WWP2: variants seen among roughly 807,000 people sequenced by gnomAD.
WWP2 encodes NEDD4-like E3 ubiquitin-protein ligase WWP2.
In WWP2, 57 loss-of-function variants were observed where a neutral mutation model predicts 121.0. The observed-to-expected ratio is 0.47, with a 90% CI of 0.38 to 0.59. The LOEUF (loss-of-function observed/expected upper bound fraction) is 0.59. WWP2 is among the 20% of genes least tolerant of loss of function. WWP2 has a pLI of 0.00. For missense variants in WWP2, 962 were observed against 1,158.9 expected (o/e 0.83, Z 2.47); for synonymous variants, 449 against 441.3 (o/e 1.02, Z -0.22).
intron 1 of WWP2, among the ~76,000 whole-genome samples, chr16:69,782,360 T>C (rs1202769196): frequency 6.6e-6 from 1 of 151,972 alleles, no homozygotes; most frequent in Non-Finnish European, 1.5e-5. Flanking sequence ...AGGTAGAACA[T>C]TGATTGCTTG....
intron 8 of WWP2, chr16:69,895,045 G>A (rs2058087183): frequency 6.6e-6 from 1 of 152,204 alleles, no homozygotes; most frequent in African/African-American, 2.4e-5. Context: ...GATGTTTTCT[G>A]GATCTTTCGG....
chr16:69,922,505 T>A (rs1420651033), intron 10 of WWP2, among the ~76,000 whole-genome samples: 1 of 152,228 alleles, frequency 6.6e-6, no homozygotes, highest in African/African-American at 2.4e-5. Flanking sequence ...CTGTTCCTAG[T>A]GATAGAGAAC....
intron 6 of WWP2, among the ~76,000 whole-genome samples, chr16:69,863,821 G>A (rs1010444996): frequency 2.6e-5 from 4 of 152,096 alleles, no homozygotes; most frequent in South Asian, 4.1e-4. Flanking sequence ...AAATGTACAC[G>A]TATAGCCTTT....
intron 8 of WWP2, among the ~76,000 whole-genome samples, chr16:69,899,638 G>C (rs2058166823): frequency 2.0e-5 from 3 of 146,800 alleles, no homozygotes; most frequent in Non-Finnish European, 4.4e-5. Context: ...GCTGAGGCAG[G>C]GAATTGCTTG....
At chr16:69,881,581 A>C (rs1013125610) in intron 7 of WWP2, among the ~76,000 whole-genome samples, 6 of 152,382 alleles carry the variant, frequency 3.9e-5, no homozygotes, top group African/African-American at 1.2e-4. Context: ...TATATAAGAT[A>C]GTATTATTAA....
intron 8 of WWP2, among the ~76,000 whole-genome samples, chr16:69,902,488 T>C (rs1230460014): frequency 6.6e-6 from 1 of 152,150 alleles, no homozygotes; most frequent in Non-Finnish European, 1.5e-5. Flanking sequence ...ATGTTACTCA[T>C]TGAAGGCCAA....
chr16:69,783,268 C>T (rs1011244032), intron 1 of WWP2: 3 of 152,224 alleles, frequency 2.0e-5, no homozygotes, highest in Admixed American at 2.0e-4. Context: ...CGTTGGCCTC[C>T]CAAAGTGCTG....
At chr16:69,801,328 T>C (rs1176721800) in intron 4 of WWP2, among the ~76,000 whole-genome samples, 1 of 151,262 alleles carries the variant, frequency 6.6e-6, no homozygotes, top group East Asian at 2.0e-4. Flanking sequence ...GCTCCTGGGC[T>C]CAAGTGATCC....
intron 1 of WWP2, among the ~76,000 whole-genome samples, chr16:69,764,651 C>G (rs1035472288): frequency 6.6e-6 from 1 of 152,174 alleles, no homozygotes; most frequent in Non-Finnish European, 1.5e-5. Flanking sequence ...AACATTCTTT[C>G]ATTCAGTGAA....
chr16:69,794,392 G>A (rs940292655), intron 2 of WWP2, among the ~76,000 whole-genome samples: 1 of 152,150 alleles, frequency 6.6e-6, no homozygotes, highest in Non-Finnish European at 1.5e-5. Flanking sequence ...AGCCAGGCAT[G>A]GTGGCTCACA....
At chr16:69,899,982 T>C (rs2058176916) in intron 8 of WWP2, among the ~76,000 whole-genome samples, 1 of 152,178 alleles carries the variant, frequency 6.6e-6, no homozygotes, top group South Asian at 2.1e-4. Context: ...ACAATGTTAT[T>C]TTTAAGGAAT....
intron 8 of WWP2, among the ~76,000 whole-genome samples, 184 bp downstream of exon 8, chr16:69,888,433 C>G (rs137856053): frequency 6.6e-6 from 1 of 152,192 alleles, no homozygotes; most frequent in Non-Finnish European, 1.5e-5. Context: ...AAAAGAATCT[C>G]AGTCGCCTGG....
intron 7 of WWP2, among the ~76,000 whole-genome samples, chr16:69,886,004 G>A (rs1453258904): frequency 6.6e-6 from 1 of 152,228 alleles, no homozygotes; most frequent in African/African-American, 2.4e-5. Context: ...GATCGGGAAA[G>A]GGGGGTTGCC....
chr16:69,854,375 T>C (rs2151893673), intron 6 of WWP2, among the ~76,000 whole-genome samples: 1 of 152,252 alleles, frequency 6.6e-6, no homozygotes, highest in East Asian at 1.9e-4. Context: ...GGTTCGACTT[T>C]TCCTTTCGGA....
At chr16:69,927,101 C>T (rs1279462347) in intron 11 of WWP2, among the ~76,000 whole-genome samples, 2 of 152,144 alleles carry the variant, frequency 1.3e-5, no homozygotes, top group African/African-American at 2.4e-5. Context: ...TGTTAATGAA[C>T]GATCAGAAAA....
At chr16:69,913,135 C>A (rs1374870053) in intron 9 of WWP2, among the ~76,000 whole-genome samples, 1 of 146,892 alleles carries the variant, frequency 6.8e-6, no homozygotes, top group African/African-American at 2.5e-5. Context: ...AGCGATTCTC[C>A]TGCCTCAGCC....
chr16:69,875,674 C>T (rs577415926), intron 7 of WWP2, among the ~76,000 whole-genome samples: 4 of 152,338 alleles, frequency 2.6e-5, no homozygotes, highest in African/African-American at 7.2e-5. Context: ...TTTCTTTGCT[C>T]ATCCATAAGA....
chr16:69,810,135 G>A (rs761932903), intron 4 of WWP2, among the ~76,000 whole-genome samples: 6 of 152,208 alleles, frequency 3.9e-5, no homozygotes, highest in South Asian at 2.1e-4. Flanking sequence ...GACAGAATTC[G>A]TTCTTTCATT....
In WWP2 at chr16:69,794,296, G is replaced by A. The variant is rs374016466; in HGVS notation, c.71-4386G>A. 2.0e-3 allele frequency among the ~76,000 whole-genome samples: 297 copies of A among 152,284 alleles called. 2 individuals are homozygous for A. The highest frequency in any genetic ancestry group is 6.8e-3 in the African/African-American group (281 of 41,574). Reference sequence around the variant, plus strand: ...TCCCAGTACTTTAGGAGGCTGAGGCGGGTGGATGACTTTGAGCTCAGGCTT... The same window carrying A: ...TCCCAGTACTTTAGGAGGCTGAGGCAGGTGGATGACTTTGAGCTCAGGCTT... On this transcript the variant is annotated intron_variant, in intron 2 of 23. Transcript: ENST00000359154.
Sources: gnomAD v4.1 joint callset for allele counts (sites outside exome capture counted in the v4.1 genomes callset) on GRCh38, gnomAD v4.1.1 for gene constraint, MANE v1.5 for transcripts, NCBI Gene and HGNC (gene_info 2026-07-23, HGNC 2026-07-21) for gene names.